The following NLGN1 variants were observed in gnomAD, a reference collection of about 807,000 sequenced individuals.
NLGN1 encodes the protein neuroligin 1, also known as neuroligin-1.
Under a neutral mutation model 65.5 loss-of-function variants are expected in NLGN1, and 12 were observed. That is an observed-to-expected ratio of 0.18 (90% CI 0.12 to 0.30). NLGN1 has a LOEUF of 0.30. Ranked by LOEUF, NLGN1 falls within the 10% of genes least tolerant of loss-of-function variation. The probability of loss-of-function intolerance (pLI) is 1.00; values close to 1 mark genes in which losing one functional copy is unlikely to be tolerated. For synonymous variants in NLGN1, 350 were observed against 359.5 expected, an observed-to-expected ratio of 0.97 and a Z score of 0.30; for missense variants, 750 against 1,007.1, an observed-to-expected ratio of 0.74 and a Z score of 3.46.
intron 4 of NLGN1, among the ~76,000 whole-genome samples, chr3:173,840,264 G>C (rs1578726563): frequency 6.6e-6 from 1 of 152,046 alleles, no homozygotes; most frequent in Admixed American, 6.5e-5. Context: ...GTATAAAATA[G>C]AAATAATAAC....
At chr3:173,921,846 A>ATTTG (rs1183111671) in intron 4 of NLGN1, among the ~76,000 whole-genome samples, 2 of 152,106 alleles carry the variant, frequency 1.3e-5, no homozygotes, top group Non-Finnish European at 2.9e-5. Context: ...AGTTGGGGCT[A>ATTTG]TTTGAATCAC....
rs528040315 is a variant in NLGN1 at position 173,578,550 on chromosome 3, C to G, written c.-320-25729C>G. On this transcript the variant is annotated intron_variant, in intron 2 of 6. Coordinates refer to ENST00000457714, the Ensembl canonical transcript of NLGN1. ...CATGTGGTTTCCCATCCTATTAGGT[C>G]AAACTTTATAGTATATTCTGCTAAT... Among the ~76,000 whole-genome samples the G allele has an allele frequency of 2.4e-4, 37 of 152,202 alleles. 1 individual carries two copies. The South Asian group carries it at 7.5e-3, about 31-fold the overall frequency.
At chr3:174,281,423 A>C in exon 7 of NLGN1, 1 of 678,484 alleles carries the variant, frequency 1.5e-6, no homozygotes, top group Non-Finnish European at 2.5e-6. Context: ...ATGTGAATAT[A>C]CATATCAAGA....
chr3:173,600,601 T>TTTTTTTTTTTTTTTTTTTTTTTG (rs56376347), intron 2 of NLGN1, among the ~76,000 whole-genome samples: 1 of 146,998 alleles, frequency 6.8e-6, no homozygotes, highest in African/African-American at 2.5e-5. Flanking sequence ...TCTTTTTTTT[T>TTTTTTTTTTTTTTTTTTTTTTTG]AGAAAAAGAT....
intron 3 of NLGN1, among the ~76,000 whole-genome samples, chr3:173,776,032 C>T (rs762472703): frequency 1.3e-5 from 2 of 152,018 alleles, no homozygotes; most frequent in Non-Finnish European, 2.9e-5. Flanking sequence ...CTTATCTGTG[C>T]AAACTGTTTA....
At chr3:173,584,364 G>C (rs926714310) in intron 2 of NLGN1, among the ~76,000 whole-genome samples, 6 of 123,932 alleles carry the variant, frequency 4.8e-5, no homozygotes, top group African/African-American at 1.2e-4. Flanking sequence ...ATTTGGAGTA[G>C]AAACCTATAT....
chr3:173,761,514 G>T (rs1777965506), intron 3 of NLGN1, among the ~76,000 whole-genome samples: 1 of 151,996 alleles, frequency 6.6e-6, no homozygotes, highest in Non-Finnish European at 1.5e-5. Context: ...GATGAGGCGG[G>T]TAGATTAGCA....
chr3:173,415,515 G>A (rs760257758), intron 1 of NLGN1, among the ~76,000 whole-genome samples: 1 of 152,154 alleles, frequency 6.6e-6, no homozygotes, highest in Non-Finnish European at 1.5e-5. Flanking sequence ...GTTGACATAG[G>A]TAAGTTTTGA....
At chr3:173,662,854 T>G (rs1054893775) in intron 3 of NLGN1, among the ~76,000 whole-genome samples, 7 of 151,978 alleles carry the variant, frequency 4.6e-5, no homozygotes, top group Non-Finnish European at 8.8e-5. Context: ...ACACAAAATT[T>G]TCCTGCCCAA....
intron 3 of NLGN1, among the ~76,000 whole-genome samples, chr3:173,634,624 C>G (rs1298405995): frequency 2.6e-5 from 4 of 152,042 alleles, no homozygotes; most frequent in Non-Finnish European, 2.9e-5. Context: ...TTCATTTAAT[C>G]ATTTTCACCT....
intron 4 of NLGN1, among the ~76,000 whole-genome samples, chr3:174,074,857 A>G (rs900560300): frequency 2.0e-5 from 3 of 152,172 alleles, no homozygotes; most frequent in African/African-American, 4.8e-5. Flanking sequence ...GCCCAGATAC[A>G]TGCTGGCCAC....
chr3:173,624,839 GTT>G (rs5854525), intron 3 of NLGN1, among the ~76,000 whole-genome samples: 23 of 149,224 alleles, frequency 1.5e-4, no homozygotes, highest in East Asian at 3.9e-4. Context: ...ATTTATAATT[GTT>G]TTTTTTTTTC....
chr3:173,430,505 G>A (rs368974644), intron 1 of NLGN1, among the ~76,000 whole-genome samples: 2 of 152,194 alleles, frequency 1.3e-5, no homozygotes, highest in Middle Eastern at 3.2e-3. Context: ...AAGTGAAGCT[G>A]TTATCTTACT....
rs185777994 is a variant in NLGN1, at chr3:173,858,628, A to G, written c.646+50796A>G. On this transcript the variant is annotated intron_variant, in intron 4 of 6. Transcript: ENST00000457714. Reference sequence around the variant, plus strand: ...TTGTAAACACACAACTTTAATATCAAAAGGAGTCTGTGTGGATGGTTTCTA... The same window carrying G: ...TTGTAAACACACAACTTTAATATCAGAAGGAGTCTGTGTGGATGGTTTCTA... 1.5e-3 allele frequency among the ~76,000 whole-genome samples: 230 copies of G among 152,202 alleles called. 1 individual carries two copies. Among genetic ancestry groups the G allele is most frequent in the African/African-American group, 5.3e-3 (221 of 41,568 alleles).
At chr3:173,873,652 A>C (rs921592529) in intron 4 of NLGN1, among the ~76,000 whole-genome samples, 1 of 152,160 alleles carries the variant, frequency 6.6e-6, no homozygotes, top group Non-Finnish European at 1.5e-5. Context: ...ACATTTTTGT[A>C]GTAGTCTTTC....
At chr3:173,439,101 G>C (rs1447486050) in intron 2 of NLGN1, among the ~76,000 whole-genome samples, 1 of 152,118 alleles carries the variant, frequency 6.6e-6, no homozygotes, top group African/African-American at 2.4e-5. Context: ...AAAATTTCTG[G>C]AAAGAAAAGA....
At chr3:173,423,827 C>T (rs1417465991) in intron 1 of NLGN1, among the ~76,000 whole-genome samples, 6 of 152,208 alleles carry the variant, frequency 3.9e-5, no homozygotes, top group Non-Finnish European at 8.8e-5. Flanking sequence ...TGGCCCTCTT[C>T]TCACAGCTCC....
chr3:173,845,814 AT>A (rs1440572716), intron 4 of NLGN1, among the ~76,000 whole-genome samples: 2 of 152,074 alleles, frequency 1.3e-5, no homozygotes, highest in Non-Finnish European at 2.9e-5. Flanking sequence ...TGACTCTTAG[AT>A]TTTTTTCAAT....
chr3:174,156,263 GT>G (rs1200142887), intron 4 of NLGN1, among the ~76,000 whole-genome samples: 1 of 151,880 alleles, frequency 6.6e-6, no homozygotes, highest in East Asian at 1.9e-4. Context: ...TATAGTAAAT[GT>G]TTTTAACTAA....
Sources: allele counts gnomAD v4.1 joint callset (sites outside exome capture counted in the v4.1 genomes callset), GRCh38; gene constraint gnomAD v4.1.1; transcripts MANE v1.5; gene names NCBI Gene and HGNC (gene_info 2026-07-23, HGNC 2026-07-21).